The following ENTREP2 variants were observed in gnomAD, a reference collection of about 807,000 sequenced individuals.
The protein encoded by ENTREP2 is endosomal transmembrane epsin interactor 2.
the ENTREP2 span, among the ~76,000 whole-genome samples, chr15:29,364,204 G>C: frequency 1.9e-3 from 294 of 152,302 alleles, 1 homozygote; most frequent in Non-Finnish European, 3.3e-3. Context: ...AGCTGCAGAG[G>C]GGAATGGATT....
At chr15:29,489,913 A>T in the ENTREP2 span, among the ~76,000 whole-genome samples, 1 of 152,200 alleles carries the variant, frequency 6.6e-6, no homozygotes, top group African/African-American at 2.4e-5. Context: ...GTTTTGCTAC[A>T]AAGATCACCA....
At chr15:29,245,496 A>G in the ENTREP2 span, among the ~76,000 whole-genome samples, 1 of 146,584 alleles carries the variant, frequency 6.8e-6, no homozygotes, top group Non-Finnish European at 1.6e-5. Context: ...TACAGAAAAT[A>G]CCCACACAAA....
the ENTREP2 span, among the ~76,000 whole-genome samples, chr15:29,635,307 G>C: frequency 1.3e-5 from 2 of 152,188 alleles, no homozygotes; most frequent in African/African-American, 4.8e-5. Flanking sequence ...CCAGCCAGCA[G>C]TCAGTTCATT....
the ENTREP2 span, among the ~76,000 whole-genome samples, chr15:29,156,186 T>C: frequency 6.6e-6 from 1 of 151,946 alleles, no homozygotes; most frequent in South Asian, 2.1e-4. Flanking sequence ...GCGTTTTTGT[T>C]TTGTTTTGTT....
At chr15:29,200,562 C>CT in the ENTREP2 span, among the ~76,000 whole-genome samples, 373 of 142,476 alleles carry the variant, frequency 2.6e-3, no homozygotes, top group South Asian at 4.5e-3. Context: ...AACCCAGTTT[C>CT]TTTTTTTTTT....
chr15:29,585,095 T>C, the ENTREP2 span, among the ~76,000 whole-genome samples: 1 of 152,192 alleles, frequency 6.6e-6, no homozygotes, highest in South Asian at 2.1e-4. Context: ...ATACAAATTA[T>C]GTTGCATTCC....
At chr15:29,543,375 A>G in the ENTREP2 span, among the ~76,000 whole-genome samples, 1 of 152,214 alleles carries the variant, frequency 6.6e-6, no homozygotes, top group East Asian at 1.9e-4. Context: ...CTTAGTGAGG[A>G]GAGTTTCCAT....
At chr15:29,666,667 C>A in the ENTREP2 span, among the ~76,000 whole-genome samples, 81 of 152,296 alleles carry the variant, frequency 5.3e-4, 3 homozygotes, top group South Asian at 0.017. Flanking sequence ...CCAGGCCAGT[C>A]CCCACCTCAG....
the ENTREP2 span, among the ~76,000 whole-genome samples, chr15:29,465,932 T>C: frequency 6.6e-6 from 1 of 152,208 alleles, no homozygotes; most frequent in Non-Finnish European, 1.5e-5. Context: ...GCCTGAGATC[T>C]GGCATTGCTG....
the ENTREP2 span, among the ~76,000 whole-genome samples, chr15:29,155,163 T>C: frequency 3.3e-5 from 5 of 151,800 alleles, no homozygotes; most frequent in African/African-American, 7.3e-5. Flanking sequence ...GCGCCTGTAG[T>C]CCCAGCTACT....
chr15:29,513,790 G>A, the ENTREP2 span, among the ~76,000 whole-genome samples: 16 of 152,304 alleles, frequency 1.1e-4, no homozygotes, highest in African/African-American at 3.8e-4. Context: ...GCACCTCCGA[G>A]TCCATGTCCA....
At chr15:29,209,083 T>C in the ENTREP2 span, among the ~76,000 whole-genome samples, 3 of 152,334 alleles carry the variant, frequency 2.0e-5, no homozygotes, top group Middle Eastern at 3.4e-3. Context: ...GATGTTTTAC[T>C]TCTGATCTAA....
chr15:29,645,252 C>T, the ENTREP2 span, among the ~76,000 whole-genome samples: 1 of 152,110 alleles, frequency 6.6e-6, no homozygotes, highest in African/African-American at 2.4e-5. Context: ...TTCTGTTTCT[C>T]AGTTAACCTA....
At chr15:29,373,247 G>A in the ENTREP2 span, among the ~76,000 whole-genome samples, 1,333 of 152,110 alleles carry the variant, frequency 8.8e-3, 20 homozygotes, top group African/African-American at 0.031. Context: ...GTGAAGGAGA[G>A]GAGTGATTTG....
At chr15:29,287,095 A>G in the ENTREP2 span, among the ~76,000 whole-genome samples, 1 of 152,182 alleles carries the variant, frequency 6.6e-6, no homozygotes, top group Admixed American at 6.5e-5. Context: ...GGAACAAGTC[A>G]TGTAGACTGG....
At chr15:29,536,621 A>G in the ENTREP2 span, among the ~76,000 whole-genome samples, 4 of 151,470 alleles carry the variant, frequency 2.6e-5, no homozygotes, top group Non-Finnish European at 4.4e-5. Context: ...AAAAAAAAAA[A>G]GTCAAAGTTC....
chr15:29,246,526 C>A, the ENTREP2 span, among the ~76,000 whole-genome samples: 1 of 151,888 alleles, frequency 6.6e-6, no homozygotes, highest in Non-Finnish European at 1.5e-5. Flanking sequence ...GAAACTCCAT[C>A]TCTACAAAAA....
At chr15:29,137,339 T>C in the ENTREP2 span, 9 of 764,838 alleles carry the variant, frequency 1.2e-5, no homozygotes, top group Non-Finnish European at 1.8e-5. Flanking sequence ...GCACACACTT[T>C]AAAATGAAGG....
chr15:29,128,254 C>T, the ENTREP2 span, among the ~76,000 whole-genome samples: 4 of 152,126 alleles, frequency 2.6e-5, no homozygotes, highest in African/African-American at 9.7e-5. Context: ...TTCCTGGAGC[C>T]TTAGACCACC....
Sources: gnomAD v4.1 joint callset for allele counts (sites outside exome capture counted in the v4.1 genomes callset) on GRCh38, gnomAD v4.1.1 for gene constraint, MANE v1.5 for transcripts, NCBI Gene and HGNC (gene_info 2026-07-23, HGNC 2026-07-21) for gene names.